The following TSGA10 variants were observed in gnomAD, a reference collection of about 807,000 sequenced individuals.
TSGA10 encodes testis specific 10.
Under a neutral mutation model 96.6 loss-of-function variants are expected in TSGA10, and 43 were observed. The ratio of observed to expected loss-of-function variants is 0.44; its 90% CI spans 0.35 to 0.57. The LOEUF is 0.57. Ranked by LOEUF, TSGA10 falls within the 20% of genes least tolerant of loss-of-function variation. The pLI, the probability that TSGA10 is intolerant of heterozygous loss-of-function variation, is 0.01. For missense variants in TSGA10, 703 were observed against 834.4 expected (o/e 0.84, Z 1.94); for synonymous variants, 229 against 269.9 (o/e 0.85, Z 1.48).
rs1157503632 is a variant in TSGA10 at position 99,018,363 on chromosome 2, G to C, written c.1923-14C>G. 2 of 1,609,912 alleles carry C rather than the reference G, an allele frequency of 1.2e-6. No homozygotes were observed. The highest frequency in any genetic ancestry group is 4.5e-5 in the East Asian group (2 of 44,808). On this transcript the variant is annotated splice_polypyrimidine_tract_variant and intron_variant, in intron 19 of 20. Transcript: ENST00000393483. The stretch of plus-strand genomic sequence containing the variant: ...ACGGCCCTCTCCCTAAAGCAAAATA[G>C]TGATGCTTTAAATTTTATATCCAGC...
At chr2:99,098,108 T>G (rs966938953) in intron 10 of TSGA10, among the ~76,000 whole-genome samples, 1 of 151,774 alleles carries the variant, frequency 6.6e-6, no homozygotes, top group Non-Finnish European at 1.5e-5. Context: ...AAGAAGTATT[T>G]TGAGGATAAT....
rs2077571318 is a variant in TSGA10, at chr2:98,997,599, A to G, written c.*598T>C. The G allele has an allele frequency of 6.6e-6, 1 of 152,134 alleles. No individual in the cohort carries two copies. The highest frequency in any genetic ancestry group is 1.5e-5 in the Non-Finnish European group (1 of 67,988). 9.4% of individuals were successfully genotyped at this position (152,134 alleles called of 1,614,324 possible). ...TCTAAAAGCAGTAGTAGTAAACACA[A>G]TTGTAGAATATGTATGTTACTTAGT... On this transcript the variant is annotated 3_prime_UTR_variant, in exon 21 of 21. Coordinates refer to ENST00000393483, the MANE Select transcript of TSGA10 (RefSeq NM_025244.4).
At chr2:99,142,289 C>G (rs2093575171) in intron 1 of TSGA10, 1 of 152,178 alleles carries the variant, frequency 6.6e-6, no homozygotes, top group Admixed American at 6.5e-5. Context: ...CTGCAGATGA[C>G]ATAGACACTA....
intron 1 of TSGA10, among the ~76,000 whole-genome samples, chr2:99,153,312 G>A (rs1023976605): frequency 1.3e-5 from 2 of 152,216 alleles, no homozygotes; most frequent in Non-Finnish European, 2.9e-5. Flanking sequence ...TGGGAAGTGA[G>A]AAAGTAGATA....
chr2:99,137,396 C>G (rs142699625), intron 1 of TSGA10, among the ~76,000 whole-genome samples: 1 of 152,194 alleles, frequency 6.6e-6, no homozygotes, highest in East Asian at 1.9e-4. Flanking sequence ...ATTAGAGGAA[C>G]AGAAAGAAAA....
intron 10 of TSGA10, among the ~76,000 whole-genome samples, chr2:99,097,187 T>C (rs1028716642): frequency 3.9e-5 from 6 of 152,282 alleles, no homozygotes; most frequent in Middle Eastern, 3.4e-3. Flanking sequence ...AAACTGACCA[T>C]ATGTTATTGC....
Position 99,050,685 on chromosome 2 carries a change from T to A in TSGA10, c.1404+14254A>T, listed in dbSNP as rs572400633. On this transcript the variant is annotated intron_variant, in intron 16 of 20. Coordinates refer to ENST00000393483, the MANE Select transcript of TSGA10 (RefSeq NM_025244.4). ...TGCAGGGATGAAAATCACAAAAAAATTTTTTAATGTTTTATTAGATAATAT... is the reference window on the plus strand; with the variant it reads ...TGCAGGGATGAAAATCACAAAAAAAATTTTTAATGTTTTATTAGATAATAT... Among the ~76,000 whole-genome samples the A allele has an allele frequency of 1.1e-4, 17 of 152,140 alleles. No homozygotes were observed. The South Asian group carries it at 1.2e-3, about 11-fold the overall frequency.
chr2:99,148,266 G>A (rs1025718571), intron 1 of TSGA10: 1 of 152,110 alleles, frequency 6.6e-6, no homozygotes, highest in Non-Finnish European at 1.5e-5. Context: ...AAACCAAATA[G>A]AATAAACTCA....
At chr2:99,103,002 T>C (rs1005079136) in intron 10 of TSGA10, among the ~76,000 whole-genome samples, 1 of 151,882 alleles carries the variant, frequency 6.6e-6, no homozygotes, top group Non-Finnish European at 1.5e-5. Context: ...TTTTGAAACA[T>C]GCTAAATATT....
chr2:99,040,846 T>C (rs957720617), intron 16 of TSGA10, among the ~76,000 whole-genome samples: 9 of 152,094 alleles, frequency 5.9e-5, no homozygotes, highest in African/African-American at 2.2e-4. Context: ...ATCTTCAAAG[T>C]TCGTCTTGAT....
chr2:99,018,546 G>A lies in TSGA10; in HGVS notation c.1912C>T (p.Arg638Cys), dbSNP rs576669120. Residue 638 changes from arginine (R) to cysteine (C), a missense_variant, in exon 19 of 21, where the codon CGC (arginine) becomes TGC (cysteine). By Grantham distance (180) the Arg-to-Cys change is radical. This residue lies in a region of TSGA10 where 69 missense variants were observed against 81.3 expected (regional missense o/e 0.85). Coordinates refer to ENST00000393483, the MANE Select transcript of TSGA10 (RefSeq NM_025244.4). ...TAGAGATAAACTTACCTTTCAAAGC[G>A]CTCTGTTCCTAGTTGTCTTTTGGTA... ...DITKRQLGTE[R>C]FERERAVQEL... is the part of the protein sequence containing the mutation. 1.1e-5 allele frequency: 18 copies of A among 1,613,338 alleles called. No homozygotes were observed. Among genetic ancestry groups the A allele is most frequent in the South Asian group, 4.4e-5 (4 of 90,878 alleles).
chr2:99,066,206 C>T (rs2085244734), intron 15 of TSGA10, among the ~76,000 whole-genome samples: 2 of 152,154 alleles, frequency 1.3e-5, no homozygotes, highest in Admixed American at 6.5e-5. Flanking sequence ...ACCTTGTGGC[C>T]TCTAATGTGA....
chr2:99,049,784 G>C (rs1392142827), intron 16 of TSGA10, among the ~76,000 whole-genome samples: 4 of 149,878 alleles, frequency 2.7e-5, no homozygotes, highest in Non-Finnish European at 5.9e-5. Flanking sequence ...CAAAAAGTGA[G>C]AGCATGCCTT....
intron 15 of TSGA10, among the ~76,000 whole-genome samples, chr2:99,068,295 C>A (rs2104487816): frequency 6.6e-6 from 1 of 152,232 alleles, no homozygotes; most frequent in South Asian, 2.1e-4. Flanking sequence ...CCACTCAAAC[C>A]ATTAATGGGA....
intron 16 of TSGA10, among the ~76,000 whole-genome samples, chr2:99,060,308 G>A (rs747293202): frequency 4.6e-5 from 7 of 151,944 alleles, no homozygotes; most frequent in Non-Finnish European, 8.8e-5. Flanking sequence ...TTTTTACAAT[G>A]GCATTGTAAA....
chr2:99,031,044 G>GAA (rs201564314), intron 17 of TSGA10, among the ~76,000 whole-genome samples: 1 of 145,770 alleles, frequency 6.9e-6, no homozygotes, highest in Non-Finnish European at 1.5e-5. Context: ...AAACAATTTT[G>GAA]AAAAAAAAAG....
intron 20 of TSGA10, among the ~76,000 whole-genome samples, chr2:98,998,533 A>T (rs1268757614): frequency 2.0e-5 from 3 of 152,202 alleles, no homozygotes; most frequent in Admixed American, 6.5e-5. Flanking sequence ...ACAGAATTAT[A>T]GAGATGGCGA....
At chr2:98,999,505 T>C (rs1038246831) in intron 20 of TSGA10, among the ~76,000 whole-genome samples, 3 of 151,838 alleles carry the variant, frequency 2.0e-5, no homozygotes, top group African/African-American at 7.3e-5. Flanking sequence ...AAACTGAGAG[T>C]AAAAGATTAA....
intron 17 of TSGA10, among the ~76,000 whole-genome samples, chr2:99,021,823 C>T (rs951459251): frequency 2.0e-5 from 3 of 152,132 alleles, no homozygotes; most frequent in Non-Finnish European, 4.4e-5. Context: ...TCTAGTCTAT[C>T]GCAAATTTGT....
Sources: allele counts gnomAD v4.1 joint callset (sites outside exome capture counted in the v4.1 genomes callset), GRCh38; gene constraint gnomAD v4.1.1; regional missense constraint gnomAD v4.1.1; transcripts MANE v1.5; gene names NCBI Gene and HGNC (gene_info 2026-07-23, HGNC 2026-07-21).